OGDH: variants seen among roughly 807,000 people sequenced by gnomAD.
OGDH encodes the protein 2-oxoglutarate dehydrogenase complex component E1.
A neutral mutation model predicts 116.6 loss-of-function variants in OGDH; 38 were observed. The ratio of observed to expected loss-of-function variants is 0.33; its 90% CI spans 0.25 to 0.43. The LOEUF (loss-of-function observed/expected upper bound fraction) is 0.43. Ranked by LOEUF, OGDH falls within the 20% of genes least tolerant of loss-of-function variation. The pLI is 1.00. For missense variants in OGDH, 825 were observed against 1,357.2 expected (o/e 0.61, Z 6.16); for synonymous variants, 488 against 533.3 (o/e 0.92, Z 1.17).
At chr7:44,673,155 CAGG>C (rs1184986564) in intron 5 of OGDH, among the ~76,000 whole-genome samples, 5 of 152,054 alleles carry the variant, frequency 3.3e-5, no homozygotes, top group Middle Eastern at 3.4e-3. Context: ...CATTTGAGCC[CAGG>C]AGTTCAAGAC....
At position 44,682,577 on chromosome 7, in the gene OGDH, C is replaced by T. The variant is rs556409491; in HGVS notation, c.1335+729C>T. Among the ~76,000 whole-genome samples, 15 of 152,066 alleles carry T rather than the reference C, an allele frequency of 9.9e-5. No individual in the cohort carries two copies. The South Asian group carries it at 3.1e-3, about 32-fold the overall frequency. ...CTGCTTGGTGGCGCGCACTTGTAAT[C>T]CCAGCTGCTTGGGAGGCTGAGGCAC... On this transcript the variant is annotated intron_variant, in intron 10 of 22. Coordinates refer to ENST00000222673, the MANE Select transcript of OGDH (RefSeq NM_002541.4).
chr7:44,648,630 C>T (rs1786297811), intron 4 of OGDH, among the ~76,000 whole-genome samples: 1 of 150,748 alleles, frequency 6.6e-6, no homozygotes, highest in African/African-American at 2.5e-5. Context: ...TCCTCACAGG[C>T]ACTTTTGGGG....
chr7:44,626,363 C>T (rs984972625), intron 2 of OGDH, among the ~76,000 whole-genome samples: 4 of 149,520 alleles, frequency 2.7e-5, no homozygotes, highest in African/African-American at 9.9e-5. Context: ...ACACACACCC[C>T]TACACCTGCA....
chr7:44,655,904 T>C (rs970356605), intron 4 of OGDH, among the ~76,000 whole-genome samples: 5 of 152,216 alleles, frequency 3.3e-5, no homozygotes, highest in African/African-American at 1.2e-4. Flanking sequence ...TGCTGAGAAA[T>C]ATCTGCTCTA....
At chr7:44,621,459 G>T (rs1785005463) in intron 1 of OGDH, among the ~76,000 whole-genome samples, 1 of 152,170 alleles carries the variant, frequency 6.6e-6, no homozygotes, top group Non-Finnish European at 1.5e-5. Context: ...GTTAGTGTTG[G>T]CTCTGTCGTT....
Position 44,701,584 on chromosome 7 carries a change from G to A in OGDH, c.2601G>A (p.Glu867=), listed in dbSNP as rs1306278788. The A allele has an allele frequency of 6.2e-7, 1 of 1,614,180 alleles. No individual in the cohort carries two copies. Among genetic ancestry groups the A allele is most frequent in the Non-Finnish European group, 8.5e-7 (1 of 1,180,036 alleles). The stretch of plus-strand genomic sequence containing the variant: ...CCAAATCCCTGTTGCGCCACCCCGA[G>A]GCCAGATCCAGCTTTGATGAGATGC... ...FTPKSLLRHP[E]ARSSFDEMLP... The change falls in exon 20 of 23, where the codon GAG becomes GAA. Residue 867 remains glutamate, a synonymous_variant. Coordinates refer to ENST00000222673, the MANE Select transcript of OGDH (RefSeq NM_002541.4).
At chr7:44,696,175 G>T (rs774964659) in intron 13 of OGDH, 48 bp downstream of exon 13, 3 of 1,325,284 alleles carry the variant, frequency 2.3e-6, no homozygotes, top group Non-Finnish European at 3.3e-6. Context: ...AGGATCTGAT[G>T]TAACGAGGCA....
chr7:44,641,989 ATACTGCC>A (rs1468448867), intron 2 of OGDH, among the ~76,000 whole-genome samples: 1 of 152,210 alleles, frequency 6.6e-6, no homozygotes, highest in Admixed American at 6.5e-5. Flanking sequence ...TCTGGTGGAA[ATACTGCC>A]TTTTCTCATG....
intron 9 of OGDH, chr7:44,676,640 ATT>A (rs1787715967): frequency 1.0e-5 from 2 of 190,524 alleles, no homozygotes; most frequent in African/African-American, 2.5e-5. Context: ...ATATATATAT[ATT>A]TAAAATCAAC....
At chr7:44,688,188 T>G (rs1478241310) in intron 10 of OGDH, among the ~76,000 whole-genome samples, 1 of 151,852 alleles carries the variant, frequency 6.6e-6, no homozygotes, top group African/African-American at 2.4e-5. Flanking sequence ...CTGGCCAACA[T>G]GATGAAACCC....
intron 1 of OGDH, among the ~76,000 whole-genome samples, chr7:44,607,055 C>T (rs1341484044): frequency 1.3e-5 from 2 of 152,214 alleles, no homozygotes; most frequent in African/African-American, 4.8e-5. Flanking sequence ...TTAGGCCGCT[C>T]TCCGACGGCG....
At chr7:44,705,351 C>T (rs998298689) in intron 20 of OGDH, among the ~76,000 whole-genome samples, 51 of 152,110 alleles carry the variant, frequency 3.4e-4, no homozygotes, top group African/African-American at 1.2e-3. Flanking sequence ...CGCGCCCGGC[C>T]AAGTTTTTAA....
chr7:44,645,583 G>A (rs1786137854), intron 3 of OGDH, 65 bp downstream of exon 3: 1 of 1,453,756 alleles, frequency 6.9e-7, no homozygotes, highest in Non-Finnish European at 9.4e-7. Context: ...TGCCTCATGG[G>A]CCCTATTGGC....
chr7:44,639,144 G>A (rs886434924), intron 2 of OGDH, among the ~76,000 whole-genome samples: 1 of 152,204 alleles, frequency 6.6e-6, no homozygotes, highest in Non-Finnish European at 1.5e-5. Flanking sequence ...GGCTCTGCAG[G>A]TCCCCTGGAA....
At chr7:44,693,776 G>A (rs775059085) in intron 10 of OGDH, 49 bp from the exon 11 acceptor site, 1 of 1,519,020 alleles carries the variant, frequency 6.6e-7, no homozygotes. Context: ...TCTGGTCCCT[G>A]TGCCGGCTGT....
intron 5 of OGDH, among the ~76,000 whole-genome samples, chr7:44,669,145 C>CTTTTT (rs869250474): frequency 2.7e-4 from 21 of 77,806 alleles, no homozygotes; most frequent in African/African-American, 1.0e-3. Context: ...AGCCCGGCAG[C>CTTTTT]TTTTTTTTTT....
At chr7:44,622,600 G>T (rs1303322957) in intron 1 of OGDH, among the ~76,000 whole-genome samples, 3 of 152,032 alleles carry the variant, frequency 2.0e-5, no homozygotes, top group Non-Finnish European at 4.4e-5. Context: ...GCATATTTGG[G>T]CCAAGAGGAA....
intron 1 of OGDH, among the ~76,000 whole-genome samples, chr7:44,613,639 G>A (rs143448533): frequency 0.013 from 1,977 of 150,758 alleles, 46 homozygotes; most frequent in African/African-American, 0.044. Flanking sequence ...GATTACAGGC[G>A]TGAGCCACCA....
intron 2 of OGDH, among the ~76,000 whole-genome samples, chr7:44,627,684 A>AT (rs1785261402): frequency 1.3e-5 from 2 of 151,488 alleles, no homozygotes; most frequent in Non-Finnish European, 2.9e-5. Flanking sequence ...TATTTATTTT[A>AT]TTTATTTTTT....
Sources: gnomAD v4.1 joint callset for allele counts (sites outside exome capture counted in the v4.1 genomes callset) on GRCh38, gnomAD v4.1.1 for gene constraint, MANE v1.5 for transcripts, NCBI Gene and HGNC (gene_info 2026-07-23, HGNC 2026-07-21) for gene names.